MGAT4C: variants seen among roughly 807,000 people sequenced by gnomAD.
The protein encoded by MGAT4C is MGAT4 family member C.
Under a neutral mutation model 40.1 loss-of-function variants are expected in MGAT4C, and 19 were observed. The ratio of observed to expected loss-of-function variants is 0.47; its 90% confidence interval spans 0.33 to 0.70. The LOEUF is 0.70. MGAT4C is among the 30% of genes least tolerant of loss of function. MGAT4C has a pLI of 0.02. For missense variants in MGAT4C, 491 were observed against 563.2 expected (o/e 0.87, Z 1.30); for synonymous variants, 181 against 187.1 (o/e 0.97, Z 0.27).
intron 2 of MGAT4C, among the ~76,000 whole-genome samples, chr12:86,437,857 G>A (rs1007505823): frequency 6.6e-6 from 1 of 151,836 alleles, no homozygotes; most frequent in South Asian, 2.1e-4. Flanking sequence ...TGTTGTGCAT[G>A]TTCAGACTAC....
Position 86,421,734 on chromosome 12 carries a change from G to A in MGAT4C, c.-120+13423C>T, listed in dbSNP as rs143541973. ...GGAAATTGCAGTGAGCCGAGATTGC[G>A]CCACTGCACTCCAGCCTGGGCGACA... On this transcript the variant is annotated intron_variant, in intron 3 of 7. Coordinates refer to the MGAT4C transcript ENST00000548651. 5.8e-3 allele frequency among the ~76,000 whole-genome samples: 883 copies of A among 152,218 alleles called. 7 individuals carry two copies. Among genetic ancestry groups the A allele is most frequent in the African/African-American group, 0.02 (846 of 41,544 alleles).
At chr12:86,656,532 A>C (rs1963854740) in intron 2 of MGAT4C, among the ~76,000 whole-genome samples, 1 of 152,042 alleles carries the variant, frequency 6.6e-6, no homozygotes, top group Admixed American at 6.6e-5. Flanking sequence ...AACAATCCAT[A>C]TGAGGACCAG....
chr12:86,519,689 C>T (rs1958759143), intron 2 of MGAT4C, among the ~76,000 whole-genome samples: 1 of 152,056 alleles, frequency 6.6e-6, no homozygotes, highest in Non-Finnish European at 1.5e-5. Flanking sequence ...ACCTATTGGC[C>T]ATTTGTGTAT....
intron 2 of MGAT4C, among the ~76,000 whole-genome samples, chr12:86,441,681 CT>C: frequency 6.6e-6 from 1 of 151,926 alleles, no homozygotes; most frequent in Non-Finnish European, 1.5e-5. Context: ...ATGAACTCAT[CT>C]TTTTTATGGC....
Position 86,519,047 on chromosome 12 carries a change from A to G in MGAT4C, c.-228-83782T>C, listed in dbSNP as rs75632801. Among the ~76,000 whole-genome samples the G allele has an allele frequency of 3.3e-3, 510 of 152,298 alleles. 1 individual carries two copies. The highest frequency in any genetic ancestry group is 0.012 in the African/African-American group (492 of 41,588). ...GTGCCTAGTCCTAAGTCTGAATGGA[A>G]GGCGGAGATTGTCTGAAAAGAAATA... On this transcript the variant is annotated intron_variant, in intron 2 of 7. Transcript: ENST00000548651.
intron 1 of MGAT4C, among the ~76,000 whole-genome samples, chr12:86,214,025 C>T (rs578120836): frequency 6.6e-6 from 1 of 152,322 alleles, no homozygotes; most frequent in East Asian, 1.9e-4. Context: ...GTTATCATTG[C>T]ATTCTTTAAA....
chr12:86,740,730 C>T (rs933490588), intron 1 of MGAT4C, among the ~76,000 whole-genome samples: 2 of 151,116 alleles, frequency 1.3e-5, no homozygotes, highest in African/African-American at 2.4e-5. Context: ...AAATAAATAT[C>T]GGTCTGGTCT....
upstream of MGAT4C, among the ~76,000 whole-genome samples, chr12:86,259,562 C>T (rs1346075247): frequency 6.6e-6 from 1 of 151,220 alleles, no homozygotes; most frequent in Non-Finnish European, 1.5e-5. Context: ...CTGCATATAG[C>T]TCTAATTTCA....
chr12:86,458,872 T>C (rs1231701274), intron 2 of MGAT4C, among the ~76,000 whole-genome samples: 1 of 152,172 alleles, frequency 6.6e-6, no homozygotes, highest in East Asian at 1.9e-4. Context: ...TGACTCCAGT[T>C]TTAGAGATAG....
intron 2 of MGAT4C, among the ~76,000 whole-genome samples, chr12:86,497,401 T>C (rs1344005401): frequency 6.6e-6 from 1 of 151,968 alleles, no homozygotes; most frequent in Non-Finnish European, 1.5e-5. Context: ...TACAGCATAG[T>C]ACTTGAATAA....
intron 3 of MGAT4C, among the ~76,000 whole-genome samples, chr12:86,362,095 A>G (rs556508901): frequency 3.9e-5 from 6 of 152,258 alleles, no homozygotes; most frequent in Admixed American, 6.5e-5. Context: ...CCAAATGTCC[A>G]TCAATGATAG....
chr12:86,181,698 G>T (rs2135868623), intron 1 of MGAT4C, among the ~76,000 whole-genome samples: 1 of 152,070 alleles, frequency 6.6e-6, no homozygotes, highest in Non-Finnish European at 1.5e-5. Flanking sequence ...TACAGACAAA[G>T]AAATCGATTG....
intron 3 of MGAT4C, among the ~76,000 whole-genome samples, chr12:86,433,569 T>C (rs1387042137): frequency 6.6e-6 from 1 of 151,992 alleles, no homozygotes; most frequent in Non-Finnish European, 1.5e-5. Flanking sequence ...TAATGACTTT[T>C]TTTCCCCTCA....
intron 2 of MGAT4C, among the ~76,000 whole-genome samples, chr12:86,536,626 G>A (rs1292892912): frequency 6.6e-6 from 1 of 152,122 alleles, no homozygotes; most frequent in Admixed American, 6.5e-5. Flanking sequence ...CAAAAATTTA[G>A]TTGAGGACAA....
At chr12:86,028,220 AG>A (rs1010683575) in intron 2 of MGAT4C, 4 of 1,265,008 alleles carry the variant, frequency 3.2e-6, no homozygotes, top group Non-Finnish European at 4.1e-6. Context: ...GATGGAAAAA[AG>A]TTCAAAATCT....
At chr12:86,361,416 A>T (rs1955465196) in intron 3 of MGAT4C, among the ~76,000 whole-genome samples, 1 of 152,252 alleles carries the variant, frequency 6.6e-6, no homozygotes, top group Admixed American at 6.5e-5. Context: ...CATTCAGGAC[A>T]TAGGCATGGG....
intron 2 of MGAT4C, among the ~76,000 whole-genome samples, chr12:86,524,178 T>C (rs2136363326): frequency 6.6e-6 from 1 of 152,320 alleles, no homozygotes; most frequent in South Asian, 2.1e-4. Flanking sequence ...AATTGTTTTA[T>C]CGTGTCACAC....
intron 1 of MGAT4C, among the ~76,000 whole-genome samples, chr12:86,090,564 T>G (rs1872709422): frequency 1.3e-5 from 2 of 151,884 alleles, no homozygotes; most frequent in African/African-American, 4.8e-5. Context: ...TATTCTTTAC[T>G]TTTTTCTAGA....
intron 2 of MGAT4C, among the ~76,000 whole-genome samples, chr12:86,515,375 C>CA (rs1565819429): frequency 6.6e-6 from 1 of 151,874 alleles, no homozygotes; most frequent in Non-Finnish European, 1.5e-5. Flanking sequence ...ATCTGGTATA[C>CA]AAAAAAATTC....
Sources: gnomAD v4.1 joint callset for allele counts (sites outside exome capture counted in the v4.1 genomes callset) on GRCh38, gnomAD v4.1.1 for gene constraint, MANE v1.5 for transcripts, NCBI Gene and HGNC (gene_info 2026-07-23, HGNC 2026-07-21) for gene names.